Variants in ZNF385D observed in about 807,000 individuals in gnomAD.
ZNF385D encodes zinc finger protein 659.
Under a neutral mutation model 35.8 loss-of-function variants are expected in ZNF385D, and 15 were observed. The observed-to-expected ratio is 0.42, with a 90% CI of 0.28 to 0.64. The LOEUF (loss-of-function observed/expected upper bound fraction) is 0.64, where lower values mean the gene tolerates loss of function less well. ZNF385D is among the 30% of genes least tolerant of loss of function. ZNF385D has a pLI of 0.23. For missense variants in ZNF385D, 474 were observed against 494.6 expected, an observed-to-expected ratio of 0.96 and a Z score of 0.39; for synonymous variants, 212 against 186.8, an observed-to-expected ratio of 1.13 and a Z score of -1.10.
At chr3:22,109,214 G>A (rs369512064) in intron 3 of ZNF385D, among the ~76,000 whole-genome samples, 42 of 152,214 alleles carry the variant, frequency 2.8e-4, no homozygotes, top group African/African-American at 9.9e-4. Context: ...TTTGGAAGGT[G>A]AATGACTCAG....
At chr3:21,448,432 G>A (rs773074343) in intron 4 of ZNF385D, among the ~76,000 whole-genome samples, 2 of 152,072 alleles carry the variant, frequency 1.3e-5, no homozygotes, top group Non-Finnish European at 2.9e-5. Context: ...GAAGAAAAAT[G>A]GGGGTCATCA....
chr3:21,918,827 A>G (rs552341830), intron 3 of ZNF385D, among the ~76,000 whole-genome samples: 13 of 152,264 alleles, frequency 8.5e-5, no homozygotes, highest in African/African-American at 2.9e-4. Flanking sequence ...GAATGAAATG[A>G]CTTCTTGACA....
chr3:22,354,497 G>T (rs556512066), intron 2 of ZNF385D, among the ~76,000 whole-genome samples: 3 of 151,686 alleles, frequency 2.0e-5, no homozygotes, highest in Non-Finnish European at 2.9e-5. Flanking sequence ...CAGAAATCTT[G>T]ATAAGAAGGA....
chr3:22,255,213 T>G (rs781624404), intron 2 of ZNF385D, among the ~76,000 whole-genome samples: 35 of 151,678 alleles, frequency 2.3e-4, no homozygotes, highest in Non-Finnish European at 4.4e-4. Flanking sequence ...AAAAAAACTT[T>G]GTAATCACCA....
chr3:21,481,205 G>A (rs975899787), intron 4 of ZNF385D, among the ~76,000 whole-genome samples: 1 of 152,192 alleles, frequency 6.6e-6, no homozygotes, highest in East Asian at 1.9e-4. Flanking sequence ...CATTTGATCA[G>A]AGTCACCTCA....
At chr3:21,668,629 ACT>A (rs1258662265) in intron 1 of ZNF385D, among the ~76,000 whole-genome samples, 1 of 152,198 alleles carries the variant, frequency 6.6e-6, no homozygotes, top group Non-Finnish European at 1.5e-5. Flanking sequence ...AATCGAAGCT[ACT>A]TCTTAAAAAT....
chr3:21,867,256 A>G (rs1054201858), intron 3 of ZNF385D, among the ~76,000 whole-genome samples: 1 of 152,124 alleles, frequency 6.6e-6, no homozygotes, highest in Admixed American at 6.6e-5. Context: ...TGACCTAATC[A>G]TCTCCCATTA....
At chr3:21,901,588 C>A in intron 3 of ZNF385D, among the ~76,000 whole-genome samples, 1 of 152,150 alleles carries the variant, frequency 6.6e-6, no homozygotes. Flanking sequence ...TTAATCCTCA[C>A]AGCAATCTAA....
intron 3 of ZNF385D, chr3:22,133,648 T>C (rs528991415): frequency 6.6e-6 from 1 of 152,064 alleles, no homozygotes; most frequent in Non-Finnish European, 1.5e-5. Context: ...TTCTTTCTAC[T>C]ACATAGAACT....
chr3:21,785,208 A>G (rs1019928716), intron 3 of ZNF385D, among the ~76,000 whole-genome samples: 6 of 152,168 alleles, frequency 3.9e-5, no homozygotes, highest in Non-Finnish European at 5.9e-5. Flanking sequence ...GGTCGGTGGT[A>G]TATCTGAGCC....
chr3:22,246,950 T>G (rs1187400142), intron 2 of ZNF385D, among the ~76,000 whole-genome samples: 1 of 152,004 alleles, frequency 6.6e-6, no homozygotes, highest in African/African-American at 2.4e-5. Context: ...CATACATACG[T>G]GCACACACAC....
chr3:21,769,621 T>C (rs1156557318), intron 3 of ZNF385D, among the ~76,000 whole-genome samples: 3 of 109,204 alleles, frequency 2.7e-5, no homozygotes, highest in Non-Finnish European at 5.5e-5. Flanking sequence ...TCCATGCTCA[T>C]GGATAGGAAG....
rs1392116458 is a variant in ZNF385D, at chr3:22,225,889, G to T, written c.107-56854C>A. ...CTTGGCCAGTAATACTACATTCAGT[G>T]TGTTTAGTTTAGGTCAAATTGTTGT... On this transcript the variant is annotated intron_variant, in intron 2 of 5. Coordinates refer to the ZNF385D transcript ENST00000494108. 3.3e-5 allele frequency among the ~76,000 whole-genome samples: 5 copies of T among 152,140 alleles called. No homozygotes were observed. The South Asian group carries it at 1.0e-3, about 32-fold the overall frequency.
intron 3 of ZNF385D, among the ~76,000 whole-genome samples, chr3:22,029,949 G>A (rs979078620): frequency 6.6e-6 from 1 of 151,960 alleles, no homozygotes; most frequent in African/African-American, 2.4e-5. Flanking sequence ...GTCTGTGAGG[G>A]TGTTGCTGAA....
At chr3:21,971,721 A>T (rs1382374150) in intron 3 of ZNF385D, among the ~76,000 whole-genome samples, 1 of 151,902 alleles carries the variant, frequency 6.6e-6, no homozygotes, top group Non-Finnish European at 1.5e-5. Flanking sequence ...TACAAGAAAC[A>T]CATTTCACCT....
At chr3:21,758,305 T>G (rs1036211825) in intron 3 of ZNF385D, among the ~76,000 whole-genome samples, 1 of 152,188 alleles carries the variant, frequency 6.6e-6, no homozygotes, top group Non-Finnish European at 1.5e-5. Context: ...CAGAAATGCA[T>G]CCCATAGGCA....
chr3:21,757,151 A>C (rs1432007886), intron 3 of ZNF385D, among the ~76,000 whole-genome samples: 1 of 25,558 alleles, frequency 3.9e-5, no homozygotes, highest in Non-Finnish European at 8.9e-5. Context: ...TTTTCTTGAG[A>C]TGGTGTCTCA....
At chr3:21,724,477 C>CCAAAAAAAA (rs2068670605) in intron 1 of ZNF385D, among the ~76,000 whole-genome samples, 1 of 52,016 alleles carries the variant, frequency 1.9e-5, no homozygotes, top group African/African-American at 1.6e-4. Context: ...AATGGAAAGC[C>CCAAAAAAAA]AAAAAAAAAA....
intron 2 of ZNF385D, among the ~76,000 whole-genome samples, chr3:22,219,625 A>G (rs923221421): frequency 2.0e-5 from 3 of 152,202 alleles, no homozygotes; most frequent in Admixed American, 6.5e-5. Flanking sequence ...GGTGTTCAGA[A>G]TATTTCAGGT....
Sources: gnomAD v4.1 joint callset for allele counts (sites outside exome capture counted in the v4.1 genomes callset) on GRCh38, gnomAD v4.1.1 for gene constraint, MANE v1.5 for transcripts, NCBI Gene and HGNC (gene_info 2026-07-23, HGNC 2026-07-21) for gene names.